Variants in STIM2 observed in about 807,000 individuals in gnomAD.
The protein encoded by STIM2 is stromal interaction molecule 2.
In STIM2, 31 loss-of-function variants were observed where a neutral mutation model predicts 85.8. The observed-to-expected ratio is 0.36, with a 90% CI of 0.27 to 0.49. STIM2 has a LOEUF of 0.49. STIM2 is among the 20% of genes least tolerant of loss of function. STIM2 has a pLI of 0.98. For missense variants in STIM2, 841 were observed against 927.6 expected (o/e 0.91, Z 1.21); for synonymous variants, 356 against 331.1 (o/e 1.08, Z -0.82).
At chr4:26,862,112 C>A (rs1387336118) in intron 1 of STIM2, among the ~76,000 whole-genome samples, 1 of 152,146 alleles carries the variant, frequency 6.6e-6, no homozygotes, top group African/African-American at 2.4e-5. Flanking sequence ...TTCTGATAGA[C>A]TGCACTAGCA....
intron 2 of STIM2, among the ~76,000 whole-genome samples, chr4:26,939,489 C>CT (rs1446973064): frequency 6.6e-6 from 1 of 152,120 alleles, no homozygotes. Context: ...ATAAAGATAA[C>CT]TTTTTAAAAT....
intron 1 of STIM2, among the ~76,000 whole-genome samples, chr4:26,880,393 A>G (rs1032274004): frequency 2.0e-5 from 3 of 151,790 alleles, no homozygotes; most frequent in Non-Finnish European, 4.4e-5. Context: ...GTATTTTGTT[A>G]ATTTCCTTTA....
intron 3 of STIM2, among the ~76,000 whole-genome samples, chr4:26,970,201 ATATATATATATATATATATATG>A (rs1421485099): frequency 9.2e-4 from 48 of 52,082 alleles, no homozygotes; most frequent in Admixed American, 2.0e-3. Flanking sequence ...GTGTGTGTGT[ATATATATATATATATATATATG>A]TATATATATA....
intron 10 of STIM2, among the ~76,000 whole-genome samples, chr4:27,010,803 G>C (rs1196572609): frequency 6.6e-6 from 1 of 152,168 alleles, no homozygotes. Flanking sequence ...TATTGTCTAT[G>C]TGTAATTATA....
At chr4:26,943,644 C>T (rs778947955) in intron 2 of STIM2, among the ~76,000 whole-genome samples, 3 of 152,036 alleles carry the variant, frequency 2.0e-5, no homozygotes, top group Non-Finnish European at 2.9e-5. Context: ...ATCTGATAGA[C>T]CCCAATCCAA....
intron 2 of STIM2, among the ~76,000 whole-genome samples, chr4:26,953,627 A>C (rs1310477454): frequency 3.9e-5 from 6 of 152,094 alleles, no homozygotes; most frequent in Admixed American, 2.0e-4. Flanking sequence ...TCAGGATAAA[A>C]ATTGTGCAAA....
intron 1 of STIM2, among the ~76,000 whole-genome samples, chr4:26,913,036 T>C (rs1724399835): frequency 1.3e-5 from 2 of 152,140 alleles, no homozygotes; most frequent in South Asian, 2.1e-4. Flanking sequence ...CTTACCACTC[T>C]CAGTTGAGAA....
chr4:26,863,229 A>G (rs1339444382), intron 1 of STIM2, among the ~76,000 whole-genome samples: 4 of 152,194 alleles, frequency 2.6e-5, no homozygotes, highest in Non-Finnish European at 5.9e-5. Flanking sequence ...ATCACACAAA[A>G]TGAGTTTGTG....
At chr4:26,894,326 A>C (rs969226153) in intron 1 of STIM2, among the ~76,000 whole-genome samples, 4 of 152,208 alleles carry the variant, frequency 2.6e-5, no homozygotes, top group African/African-American at 9.6e-5. Context: ...GAGTACTGCC[A>C]AATTAACTGG....
chr4:26,971,923 T>C (rs1457345086), intron 3 of STIM2, among the ~76,000 whole-genome samples: 1 of 152,212 alleles, frequency 6.6e-6, no homozygotes, highest in South Asian at 2.1e-4. Context: ...CCTTGAGCAG[T>C]GATTTGTAGT....
chr4:26,960,779 T>A (rs548065755), intron 3 of STIM2, among the ~76,000 whole-genome samples: 8 of 152,136 alleles, frequency 5.3e-5, no homozygotes, highest in Non-Finnish European at 1.2e-4. Context: ...AAAATACTAG[T>A]ACAGGCCAGG....
Position 26,921,165 on chromosome 4 carries a change from C to T in STIM2, c.282+1531C>T, listed in dbSNP as rs141942890. Among the ~76,000 whole-genome samples the T allele has an allele frequency of 9.5e-3, 1,451 of 152,136 alleles. 7 individuals are homozygous for T. The highest frequency in any genetic ancestry group is 0.015 in the Non-Finnish European group (1,015 of 68,006). On this transcript the variant is annotated intron_variant, in intron 2 of 11. Coordinates refer to ENST00000467087, the MANE Select transcript of STIM2 (RefSeq NM_020860.4). ...GAAGATGACTCTGTGACAGTGGAGG[C>T]AGAGATTAGTTTTATATAACTGCAA...
At chr4:26,960,027 A>G (rs144833401) in intron 3 of STIM2, among the ~76,000 whole-genome samples, 1 of 152,154 alleles carries the variant, frequency 6.6e-6, no homozygotes, top group African/African-American at 2.4e-5. Context: ...ATTTTTCTCA[A>G]CCCATGTCAG....
At chr4:26,953,172 T>TAAAA (rs1292904227) in intron 2 of STIM2, among the ~76,000 whole-genome samples, 2 of 152,176 alleles carry the variant, frequency 1.3e-5, no homozygotes, top group African/African-American at 2.4e-5. Context: ...TTATGTATTT[T>TAAAA]GTTTCAGGAT....
intron 11 of STIM2, chr4:27,019,575 T>G: frequency 9.8e-7 from 1 of 1,019,066 alleles, no homozygotes; most frequent in South Asian, 1.4e-5. Context: ...CTCTCATAAA[T>G]AAGAGAATGA....
intron 1 of STIM2, among the ~76,000 whole-genome samples, chr4:26,902,168 G>A (rs937089205): frequency 2.0e-5 from 3 of 152,160 alleles, no homozygotes; most frequent in Non-Finnish European, 4.4e-5. Flanking sequence ...GCGTGGTGGT[G>A]CTAGAGATAG....
At chr4:26,934,198 AG>A (rs974894355) in intron 2 of STIM2, among the ~76,000 whole-genome samples, 1 of 152,216 alleles carries the variant, frequency 6.6e-6, no homozygotes, top group Non-Finnish European at 1.5e-5. Flanking sequence ...TCTCAAAAAA[AG>A]AAAAAAAAAT....
At chr4:26,883,964 C>T (rs1723114668) in intron 1 of STIM2, among the ~76,000 whole-genome samples, 1 of 152,166 alleles carries the variant, frequency 6.6e-6, no homozygotes, top group African/African-American at 2.4e-5. Context: ...GTAGTATTAT[C>T]AGATTGTTAC....
chr4:26,892,517 AT>A (rs1165143610), intron 1 of STIM2, among the ~76,000 whole-genome samples: 2 of 152,088 alleles, frequency 1.3e-5, no homozygotes, highest in African/African-American at 4.8e-5. Context: ...ATTTTAACAT[AT>A]GAATTTTTTT....
Sources: allele counts gnomAD v4.1 joint callset (sites outside exome capture counted in the v4.1 genomes callset), GRCh38; gene constraint gnomAD v4.1.1; transcripts MANE v1.5; gene names NCBI Gene and HGNC (gene_info 2026-07-23, HGNC 2026-07-21).